Variants in LRMDA observed in about 807,000 individuals in gnomAD.
The protein encoded by LRMDA is leucine rich melanocyte differentiation associated.
A neutral mutation model predicts 29.8 loss-of-function variants in LRMDA; 18 were observed. The observed-to-expected ratio is 0.60, with a 90% CI of 0.42 to 0.90. The LOEUF (loss-of-function observed/expected upper bound fraction) is 0.90. Ranked by LOEUF, LRMDA falls within the 40% of genes least tolerant of loss-of-function variation. The pLI, the probability that LRMDA is intolerant of heterozygous loss-of-function variation, is 0.00. For synonymous variants in LRMDA, 125 were observed against 109.4 expected, an observed-to-expected ratio of 1.14 and a Z score of -0.89; for missense variants, 273 against 273.9, an observed-to-expected ratio of 1.00 and a Z score of 0.02.
intron 2 of LRMDA, among the ~76,000 whole-genome samples, chr10:75,578,833 G>GAAA (rs138199632): frequency 1.1e-4 from 15 of 135,526 alleles, no homozygotes; most frequent in East Asian, 8.5e-4. Flanking sequence ...GATGTTCTTT[G>GAAA]AAAAAAAAAA....
chr10:76,266,923 T>C (rs1302919412), intron 5 of LRMDA, among the ~76,000 whole-genome samples: 1 of 152,180 alleles, frequency 6.6e-6, no homozygotes, highest in Non-Finnish European at 1.5e-5. Flanking sequence ...TGGGTGATGA[T>C]CCAATTAATA....
chr10:76,070,423 T>A (rs574032764), intron 5 of LRMDA, among the ~76,000 whole-genome samples: 20 of 152,210 alleles, frequency 1.3e-4, no homozygotes, highest in Middle Eastern at 3.2e-3. Flanking sequence ...CTTCCTGGCT[T>A]GTAGATGGCT....
chr10:75,633,178 T>G (rs1841349509), intron 2 of LRMDA, among the ~76,000 whole-genome samples: 1 of 152,216 alleles, frequency 6.6e-6, no homozygotes, highest in Non-Finnish European at 1.5e-5. Flanking sequence ...GCACATTCTT[T>G]TAGATCCTGG....
At chr10:76,388,244 G>A (rs1360471489) in intron 6 of LRMDA, among the ~76,000 whole-genome samples, 2 of 152,056 alleles carry the variant, frequency 1.3e-5, no homozygotes, top group Non-Finnish European at 2.9e-5. Flanking sequence ...CTGTTGCTGT[G>A]TAACAAGTTA....
intron 6 of LRMDA, among the ~76,000 whole-genome samples, chr10:76,405,788 A>G (rs1841896387): frequency 6.6e-6 from 1 of 152,092 alleles, no homozygotes; most frequent in African/African-American, 2.4e-5. Context: ...AGAATAATTT[A>G]TTCCTATACT....
intron 2 of LRMDA, among the ~76,000 whole-genome samples, chr10:75,723,898 G>A (rs1842599498): frequency 6.6e-6 from 1 of 152,178 alleles, no homozygotes; most frequent in African/African-American, 2.4e-5. Context: ...GGTTATTGCA[G>A]TGTAATGCCG....
At chr10:76,352,868 G>A (rs909193547) in intron 6 of LRMDA, among the ~76,000 whole-genome samples, 4 of 152,108 alleles carry the variant, frequency 2.6e-5, no homozygotes, top group Non-Finnish European at 5.9e-5. Flanking sequence ...ATGGGAGGAT[G>A]TTCTTAGACA....
At chr10:75,446,182 C>A (rs1164597299) in intron 2 of LRMDA, among the ~76,000 whole-genome samples, 2 of 152,186 alleles carry the variant, frequency 1.3e-5, no homozygotes, top group Admixed American at 6.5e-5. Flanking sequence ...GGAAGATGGG[C>A]AGTGTAATGA....
At chr10:75,686,629 C>T (rs1458444230) in intron 2 of LRMDA, among the ~76,000 whole-genome samples, 1 of 152,174 alleles carries the variant, frequency 6.6e-6, no homozygotes, top group Non-Finnish European at 1.5e-5. Flanking sequence ...GTTAATGGTA[C>T]CCCTATAGTT....
At chr10:76,542,729 T>C (rs1356911807) in intron 6 of LRMDA, among the ~76,000 whole-genome samples, 1 of 152,218 alleles carries the variant, frequency 6.6e-6, no homozygotes, top group Non-Finnish European at 1.5e-5. Flanking sequence ...GGGAGCCTTG[T>C]GGAGAATAGA....
At chr10:75,751,798 A>G (rs1842972541) in intron 2 of LRMDA, among the ~76,000 whole-genome samples, 1 of 152,008 alleles carries the variant, frequency 6.6e-6, no homozygotes, top group Admixed American at 6.6e-5. Context: ...ACACGTACTG[A>G]TTTTCACTCA....
At chr10:76,513,604 A>T (rs975718728) in intron 6 of LRMDA, among the ~76,000 whole-genome samples, 3 of 152,162 alleles carry the variant, frequency 2.0e-5, no homozygotes, top group Admixed American at 2.0e-4. Flanking sequence ...GCCCTTTAAC[A>T]TGTTGATAAG....
At chr10:76,149,209 C>A (rs899010654) in intron 5 of LRMDA, among the ~76,000 whole-genome samples, 15 of 152,184 alleles carry the variant, frequency 9.9e-5, no homozygotes, top group Non-Finnish European at 1.8e-4. Flanking sequence ...CAGTAGATTA[C>A]TGTAAAGCTA....
intron 5 of LRMDA, among the ~76,000 whole-genome samples, chr10:76,202,975 C>T (rs1851461153): frequency 6.6e-6 from 1 of 152,164 alleles, no homozygotes; most frequent in African/African-American, 2.4e-5. Context: ...ATTGGAAACA[C>T]ATCTCTCTAT....
chr10:75,499,685 C>T (rs1252680112), intron 2 of LRMDA, among the ~76,000 whole-genome samples: 2 of 152,124 alleles, frequency 1.3e-5, no homozygotes, highest in Non-Finnish European at 2.9e-5. Context: ...CTGAGCAGTG[C>T]CTTCGGTGTG....
chr10:75,507,312 AG>A (rs1480012685), intron 2 of LRMDA, among the ~76,000 whole-genome samples: 1 of 152,194 alleles, frequency 6.6e-6, no homozygotes, highest in African/African-American at 2.4e-5. Context: ...GGGGTACCCC[AG>A]CAAGGGCAGG....
chr10:75,652,824 G>A (rs1034336037), intron 2 of LRMDA, among the ~76,000 whole-genome samples: 1 of 152,164 alleles, frequency 6.6e-6, no homozygotes, highest in Non-Finnish European at 1.5e-5. Context: ...CCTGTTTCTA[G>A]TTTAAACATA....
chr10:75,518,297 C>T (rs1329611422), intron 2 of LRMDA, among the ~76,000 whole-genome samples: 2 of 152,128 alleles, frequency 1.3e-5, no homozygotes, highest in Non-Finnish European at 2.9e-5. Flanking sequence ...CTCTTTGTAC[C>T]TCTGGTAGAA....
At chr10:76,231,592 A>G (rs1852060427) in intron 5 of LRMDA, among the ~76,000 whole-genome samples, 1 of 152,124 alleles carries the variant, frequency 6.6e-6, no homozygotes, top group Non-Finnish European at 1.5e-5. Flanking sequence ...TTCCTCCCCA[A>G]CTTTGCAGAA....
Sources: gnomAD v4.1 joint callset for allele counts (sites outside exome capture counted in the v4.1 genomes callset) on GRCh38, gnomAD v4.1.1 for gene constraint, MANE v1.5 for transcripts, NCBI Gene and HGNC (gene_info 2026-07-23, HGNC 2026-07-21) for gene names.